FOXP1: variants seen among roughly 807,000 people sequenced by gnomAD.
FOXP1 encodes forkhead box P1, also known as forkhead box protein P1.
A neutral mutation model predicts 98.2 loss-of-function variants in FOXP1; 15 were observed. The ratio of observed to expected loss-of-function variants is 0.15; its 90% CI spans 0.10 to 0.24. The LOEUF (loss-of-function observed/expected upper bound fraction) is 0.24. Among genes scored for constraint, FOXP1 ranks in the 10% least tolerant of loss-of-function variants. The pLI, the probability that FOXP1 is intolerant of heterozygous loss-of-function variation, is 1.00. For synonymous variants in FOXP1, 371 were observed against 314.5 expected, an observed-to-expected ratio of 1.18 and a Z score of -1.90; for missense variants, 633 against 848.5, an observed-to-expected ratio of 0.75 and a Z score of 3.15.
intron 11 of FOXP1, among the ~76,000 whole-genome samples, chr3:71,032,190 G>T (rs1209753036): frequency 6.6e-6 from 1 of 152,242 alleles, no homozygotes; most frequent in Admixed American, 6.5e-5. Context: ...TATGGATGAA[G>T]ACACTGAACA....
intron 1 of FOXP1, chr3:71,582,498 C>T (rs1297697493): frequency 1.0e-6 from 1 of 985,280 alleles, no homozygotes; most frequent in African/African-American, 1.7e-5. Flanking sequence ...TGCGCGCAAG[C>T]GAGGGACGGA....
intron 20 of FOXP1, among the ~76,000 whole-genome samples, chr3:70,965,640 C>T (rs1470397509): frequency 6.6e-6 from 1 of 151,990 alleles, no homozygotes; most frequent in Admixed American, 6.5e-5. Flanking sequence ...TGTGATAAAG[C>T]AGAGGGAAAA....
chr3:71,249,863 C>T (rs1417440561), intron 5 of FOXP1, among the ~76,000 whole-genome samples: 2 of 152,192 alleles, frequency 1.3e-5, no homozygotes, highest in Non-Finnish European at 2.9e-5. Flanking sequence ...AACCAGACTC[C>T]CCATGCAGCC....
chr3:71,412,557 C>T (rs1313436570), intron 3 of FOXP1, among the ~76,000 whole-genome samples: 1 of 152,188 alleles, frequency 6.6e-6, no homozygotes, highest in Non-Finnish European at 1.5e-5. Context: ...GAACGCCCAA[C>T]TACCCTTTGA....
chr3:71,290,156 C>T (rs540534067), intron 5 of FOXP1, among the ~76,000 whole-genome samples: 1 of 152,292 alleles, frequency 6.6e-6, no homozygotes, highest in South Asian at 2.1e-4. Flanking sequence ...GCTTACCTCC[C>T]CTACCTCCAA....
intron 2 of FOXP1, among the ~76,000 whole-genome samples, chr3:71,509,052 C>T (rs1387320320): frequency 1.3e-5 from 2 of 152,246 alleles, no homozygotes; most frequent in Non-Finnish European, 2.9e-5. Context: ...GCTCCACTCT[C>T]CGTATGGATT....
intron 20 of FOXP1, among the ~76,000 whole-genome samples, 156 bp from the exon 21 acceptor site, chr3:70,959,547 A>G (rs1035838949): frequency 6.6e-6 from 1 of 152,158 alleles, no homozygotes; most frequent in South Asian, 2.1e-4. Flanking sequence ...TTAAATTGAA[A>G]TGAACGAAAT....
At chr3:71,052,176 A>AC (rs1397014242) in intron 9 of FOXP1, among the ~76,000 whole-genome samples, 1 of 152,132 alleles carries the variant, frequency 6.6e-6, no homozygotes, top group Non-Finnish European at 1.5e-5. Flanking sequence ...TGGGGAAAAA[A>AC]AAAAAAAATT....
At chr3:71,300,082 C>T (rs2073715846) in intron 4 of FOXP1, among the ~76,000 whole-genome samples, 2 of 152,146 alleles carry the variant, frequency 1.3e-5, no homozygotes, top group Non-Finnish European at 1.5e-5. Context: ...ACAAAATTGA[C>T]TTGGTGGGGA....
chr3:71,310,728 T>C (rs941540738), intron 4 of FOXP1, among the ~76,000 whole-genome samples: 6 of 152,208 alleles, frequency 3.9e-5, no homozygotes, highest in Admixed American at 2.0e-4. Flanking sequence ...CGATCGTCTG[T>C]AGGACACACA....
intron 5 of FOXP1, among the ~76,000 whole-genome samples, chr3:71,198,728 A>T (rs2063469028): frequency 6.6e-6 from 1 of 151,676 alleles, no homozygotes; most frequent in Non-Finnish European, 1.5e-5. Flanking sequence ...AGCACGGCTC[A>T]GTCGCCCAGG....
chr3:71,158,450 T>C (rs1263550292), intron 6 of FOXP1, among the ~76,000 whole-genome samples: 2 of 152,108 alleles, frequency 1.3e-5, no homozygotes, highest in East Asian at 3.9e-4. Context: ...GAGGCACTCA[T>C]CCTAAGGTAT....
At chr3:71,410,035 C>T (rs1314382693) in intron 3 of FOXP1, among the ~76,000 whole-genome samples, 1 of 152,110 alleles carries the variant, frequency 6.6e-6, no homozygotes, top group African/African-American at 2.4e-5. Flanking sequence ...ACAACAGCAA[C>T]AACAAAACAA....
chr3:71,454,328 T>G (rs11707890), intron 3 of FOXP1, among the ~76,000 whole-genome samples: 54,648 of 152,040 alleles, frequency 0.36, 10,511 homozygotes, highest in Non-Finnish European at 0.43. Flanking sequence ...GCACATCATC[T>G]GTATTTTCAC....
At chr3:71,571,269 T>C (rs1294304240) in intron 2 of FOXP1, 1 of 152,186 alleles carries the variant, frequency 6.6e-6, no homozygotes, top group African/African-American at 2.4e-5. Flanking sequence ...CTAAGTATGA[T>C]CTTATTTGAT....
rs1259858136 is a variant in FOXP1, at chr3:71,112,590, C to T, written c.228G>A (p.Gln76=). The T allele has an allele frequency of 6.2e-7, 1 of 1,613,878 alleles. No homozygotes were observed. The highest frequency in any genetic ancestry group is 1.3e-5 in the African/African-American group (1 of 75,046). ...TGGGAGATTTTAATCCACTAACTTG[C>T]TGCTGCTGTTGCTGCTGAAGAAGGA... ...RQLLLQQQQQ[Q]QVSGLKSPKR... is the part of the protein sequence containing the mutation. Residue 76 remains glutamine, a synonymous_variant, in exon 7 of 21, where the codon CAG becomes CAA. Coordinates refer to ENST00000649528, the MANE Select transcript of FOXP1 (RefSeq NM_001349338.3).
intron 17 of FOXP1, among the ~76,000 whole-genome samples, 188 bp downstream of exon 17, chr3:70,976,753 G>C (rs2037642595): frequency 6.6e-6 from 1 of 152,208 alleles, no homozygotes; most frequent in Admixed American, 6.5e-5. Context: ...TATAATGGGA[G>C]TCTTCCATCA....
chr3:71,329,069 T>C (rs1026169178), intron 4 of FOXP1, among the ~76,000 whole-genome samples: 4 of 151,260 alleles, frequency 2.6e-5, no homozygotes, highest in Admixed American at 1.3e-4. Context: ...GTGACTGGCT[T>C]GGTTGCCCAG....
intron 2 of FOXP1, among the ~76,000 whole-genome samples, chr3:71,503,218 C>CTA (rs2041538511): frequency 6.6e-6 from 1 of 152,140 alleles, no homozygotes; most frequent in Non-Finnish European, 1.5e-5. Context: ...AATCTGTTTT[C>CTA]TAGAGAGTTC....
Sources: allele counts gnomAD v4.1 joint callset (sites outside exome capture counted in the v4.1 genomes callset), GRCh38; gene constraint gnomAD v4.1.1; transcripts MANE v1.5; gene names NCBI Gene and HGNC (gene_info 2026-07-23, HGNC 2026-07-21).